MAP3K13: variants seen among roughly 807,000 people sequenced by gnomAD.
MAP3K13 encodes mitogen-activated protein kinase kinase kinase 13, also known as leucine zipper-bearing kinase.
A neutral mutation model predicts 104.0 loss-of-function variants in MAP3K13; 52 were observed. That is an observed-to-expected ratio of 0.50 (90% CI 0.40 to 0.63). The LOEUF is 0.63. MAP3K13 is among the 20% of genes least tolerant of loss of function. The pLI is 0.00. For missense variants in MAP3K13, 914 were observed against 1,218.5 expected (o/e 0.75, Z 3.72); for synonymous variants, 394 against 442.2 (o/e 0.89, Z 1.37).
At chr3:185,347,082 G>T (rs565375536) in intron 2 of MAP3K13, among the ~76,000 whole-genome samples, 60 of 148,940 alleles carry the variant, frequency 4.0e-4, no homozygotes, top group African/African-American at 1.3e-3. Context: ...TACCTCCCGG[G>T]TTCAAGCTAT....
Position 185,418,607 on chromosome 3 carries a change from C to G in MAP3K13, c.-85-9890C>G. On this transcript the variant is annotated intron_variant, in intron 1 of 13. Transcript: ENST00000265026. The surrounding 1 kb of genome is among the most constrained non-coding windows in gnomAD (Gnocchi z 4.5). The stretch of plus-strand genomic sequence containing the variant: ...GACTCAGCACTGGTCTGATGACCTG[C>G]TAATTCACTGGCAGCGTAGGGCTGT... 1 of 1,612,272 alleles carries G rather than the reference C, an allele frequency of 6.2e-7. No homozygotes were observed. The highest frequency in any genetic ancestry group is 8.5e-7 in the Non-Finnish European group (1 of 1,179,626).
intron 1 of MAP3K13, among the ~76,000 whole-genome samples, chr3:185,383,333 G>A (rs890707417): frequency 6.6e-6 from 1 of 152,060 alleles, no homozygotes; most frequent in Non-Finnish European, 1.5e-5. Flanking sequence ...ACGTGTGCAT[G>A]TGTTTTTATA....
At position 185,447,913 on chromosome 3, in the gene MAP3K13, C is replaced by T. The variant is rs1185555747; in HGVS notation, c.976C>T (p.Arg326Trp). The T allele has an allele frequency of 1.9e-6, 3 of 1,611,952 alleles. No individual in the cohort carries two copies. Among genetic ancestry groups the T allele is most frequent in the Non-Finnish European group, 2.5e-6 (3 of 1,179,420 alleles). Residue 326 changes from arginine to tryptophan, a missense_variant, in exon 5 of 14, where the codon CGG becomes TGG. Transcript: ENST00000265026. ...CGCATGGATGGCGCCAGAGGTGATA[C>T]GGAATGAACCTGTCTCTGAAAAAGT... ...TVAWMAPEVI[R>W]NEPVSEKVDI...
In MAP3K13 at chr3:185,387,766, G is replaced by A. The variant is rs530036958; in HGVS notation, c.-86+24398G>A. 2.6e-5 allele frequency among the ~76,000 whole-genome samples: 4 copies of A among 152,140 alleles called. No homozygotes were observed. The East Asian group carries it at 5.8e-4, about 22-fold the overall frequency. ...TTCCTCTAAGAACTAGAACAATATG[G>A]TCACTTTCACCAGTCTCATTCAACA... On this transcript the variant is annotated intron_variant, in intron 1 of 13. Transcript: ENST00000265026.
intron 2 of MAP3K13, among the ~76,000 whole-genome samples, chr3:185,434,662 A>G (rs781215548): frequency 5.3e-5 from 8 of 152,188 alleles, no homozygotes; most frequent in Non-Finnish European, 1.0e-4. Flanking sequence ...ACAGCTGTAA[A>G]CATGAACACA....
At chr3:185,325,624 G>A (rs1391963657) in intron 2 of MAP3K13, among the ~76,000 whole-genome samples, 2 of 152,200 alleles carry the variant, frequency 1.3e-5, no homozygotes, top group Admixed American at 6.5e-5. Flanking sequence ...GAAGGACCAG[G>A]TATGATCAGA....
intron 1 of MAP3K13, among the ~76,000 whole-genome samples, chr3:185,380,459 C>T (rs918846510): frequency 2.2e-4 from 32 of 145,438 alleles, no homozygotes; most frequent in Admixed American, 7.3e-5. Context: ...TGCAGTGAGC[C>T]GAGATCACGT....
chr3:185,437,693 C>A, intron 3 of MAP3K13, 63 bp downstream of exon 3: 1 of 1,445,452 alleles, frequency 6.9e-7, no homozygotes, highest in Non-Finnish European at 9.4e-7. Context: ...TATATACACA[C>A]AAGTTTCTGC....
chr3:185,359,569 A>G (rs1236363657), upstream of MAP3K13, among the ~76,000 whole-genome samples: 1 of 152,206 alleles, frequency 6.6e-6, no homozygotes, highest in Non-Finnish European at 1.5e-5. Context: ...TTACTGAGTA[A>G]CTTCTGTATG....
At chr3:185,438,310 GAAGAAAGA>G (rs3076249) in intron 3 of MAP3K13, among the ~76,000 whole-genome samples, 1 of 149,930 alleles carries the variant, frequency 6.7e-6, no homozygotes, top group African/African-American at 2.5e-5. Flanking sequence ...AGGAAAGAAA[GAAGAAAGA>G]AAGAAAGAAA....
intron 2 of MAP3K13, among the ~76,000 whole-genome samples, chr3:185,314,629 A>G (rs142429637): frequency 3.7e-4 from 56 of 151,942 alleles, no homozygotes; most frequent in African/African-American, 1.3e-3. Flanking sequence ...AGAAAAGTAA[A>G]AAAAAAAGAA....
intron 7 of MAP3K13, among the ~76,000 whole-genome samples, chr3:185,455,657 GATATATATATGATAT>G (rs1356888647): frequency 1.8e-5 from 1 of 56,030 alleles, no homozygotes; most frequent in Non-Finnish European, 3.1e-5. Flanking sequence ...ATATATATAT[GATATATATATGATAT>G]ATATATGAGA....
intron 1 of MAP3K13, among the ~76,000 whole-genome samples, chr3:185,408,899 T>C (rs1421059170): frequency 1.3e-5 from 2 of 152,204 alleles, no homozygotes; most frequent in Non-Finnish European, 2.9e-5. Context: ...TGAAATTTGC[T>C]CTGTGTGCTG....
At chr3:185,324,159 C>T (rs1045115086) in intron 2 of MAP3K13, among the ~76,000 whole-genome samples, 7 of 152,016 alleles carry the variant, frequency 4.6e-5, no homozygotes, top group African/African-American at 1.2e-4. Context: ...TACAGGCACC[C>T]GCCACCACGC....
At chr3:185,383,814 T>A (rs748075196) in intron 1 of MAP3K13, among the ~76,000 whole-genome samples, 18 of 152,318 alleles carry the variant, frequency 1.2e-4, no homozygotes, top group Admixed American at 7.2e-4. Context: ...CAATAGTTTT[T>A]AAAATTTTTA....
upstream of MAP3K13, among the ~76,000 whole-genome samples, chr3:185,359,827 T>C (rs1221202635): frequency 2.0e-5 from 3 of 152,132 alleles, no homozygotes; most frequent in African/African-American, 7.2e-5. Context: ...ATCACTAAAC[T>C]CTTTCTTTTT....
At chr3:185,306,155 A>G (rs949657269) in intron 2 of MAP3K13, among the ~76,000 whole-genome samples, 20 of 152,318 alleles carry the variant, frequency 1.3e-4, no homozygotes, top group African/African-American at 4.8e-4. Flanking sequence ...GTATACATAT[A>G]TCAAATTTTC....
intron 2 of MAP3K13, among the ~76,000 whole-genome samples, chr3:185,334,001 C>G (rs1218163418): frequency 6.6e-6 from 1 of 152,104 alleles, no homozygotes; most frequent in East Asian, 1.9e-4. Flanking sequence ...TTGTAGTGAG[C>G]TATGGTCATG....
At chr3:185,351,417 T>A (rs539267008) in intron 2 of MAP3K13, among the ~76,000 whole-genome samples, 2 of 152,344 alleles carry the variant, frequency 1.3e-5, no homozygotes, top group South Asian at 4.2e-4. Context: ...CAGTTTTCTA[T>A]GTCCCAGGAT....
Sources: allele counts gnomAD v4.1 joint callset (sites outside exome capture counted in the v4.1 genomes callset), GRCh38; gene constraint gnomAD v4.1.1; non-coding constraint Gnocchi (gnomAD v3.1); transcripts MANE v1.5; gene names NCBI Gene and HGNC (gene_info 2026-07-23, HGNC 2026-07-21).